The following CHM variants were observed in gnomAD, a reference collection of about 807,000 sequenced individuals.
CHM encodes rab proteins geranylgeranyltransferase component A 1.
A neutral mutation model predicts 49.0 loss-of-function variants in CHM; 10 were observed. The ratio of observed to expected loss-of-function variants is 0.20; its 90% CI spans 0.13 to 0.35. The LOEUF (loss-of-function observed/expected upper bound fraction) is 0.35, where lower values mean the gene tolerates loss of function less well. CHM is among the 10% of genes least tolerant of loss of function. CHM has a pLI of 1.00. For missense variants in CHM, 455 were observed against 478.4 expected, an observed-to-expected ratio of 0.95 and a Z score of 0.46; for synonymous variants, 184 against 167.5, an observed-to-expected ratio of 1.10 and a Z score of -0.76.
At chrX:86,043,785 T>C (rs769462724) in intron 1 of CHM, among the ~76,000 whole-genome samples, 1 of 109,018 alleles carries the variant, frequency 9.2e-6, no homozygotes, top group African/African-American at 3.4e-5. Context: ...TAGAGTGCAG[T>C]GGTGCCATCT....
At chrX:85,893,540 A>C (rs370678555) in intron 12 of CHM, among the ~76,000 whole-genome samples, 23 of 111,999 alleles carry the variant, frequency 2.1e-4, no homozygotes, top group African/African-American at 7.4e-4. Flanking sequence ...ATTACCTCTT[A>C]ATACCTCAAG....
rs1037894676 is a variant in CHM at position 86,027,317 on chromosome X, A to G, written c.116+174T>C. ...CAAAATAGTAAAACTTGTATGCTAT[A>G]TATTTCACATATTAGTGGTTAAAAT... On this transcript the variant is annotated intron_variant, in intron 2 of 14. Coordinates refer to ENST00000357749, the MANE Select transcript of CHM (RefSeq NM_000390.4). The G allele has an allele frequency of 1.1e-5, 5 of 451,303 alleles. No homozygotes were observed. The East Asian group carries it at 1.2e-4, about 10-fold the overall frequency. The allele number at this position is 451,303 out of a possible 1,213,427, so 37.2% of individuals were successfully genotyped here.
At chrX:85,959,946 ACCATT>A (rs1930208877) in intron 5 of CHM, among the ~76,000 whole-genome samples, 1 of 111,789 alleles carries the variant, frequency 8.9e-6, no homozygotes, top group South Asian at 3.7e-4. Flanking sequence ...GTAAATCAAT[ACCATT>A]CAAGTAAAAT....
At chrX:85,916,751 C>G (rs765966201) in intron 8 of CHM, among the ~76,000 whole-genome samples, 1 of 112,402 alleles carries the variant, frequency 8.9e-6, no homozygotes. Flanking sequence ...GAGATACCAT[C>G]TAGCACCAGT....
rs759366273 is a variant in CHM at position 85,987,618 on chromosome X, T to C, written c.117-5809A>G. Among the ~76,000 whole-genome samples the C allele has an allele frequency of 1.2e-4, 13 of 111,814 alleles. No homozygotes were observed. In the South Asian group the frequency reaches 4.9e-3, roughly 42 times the overall value. ...TTAATAAGATAGATAGGATGTTAGC[T>C]AGACTTAAAGAAGAGAAGAAAGAAG... is the stretch of plus-strand genomic sequence containing the variant. On this transcript the variant is annotated intron_variant, in intron 2 of 14. Coordinates refer to ENST00000357749, the MANE Select transcript of CHM (RefSeq NM_000390.4).
intron 11 of CHM, among the ~76,000 whole-genome samples, chrX:85,897,206 A>G (rs1328710612): frequency 1.0e-5 from 1 of 99,015 alleles, no homozygotes; most frequent in Non-Finnish European, 2.0e-5. Flanking sequence ...TAAAGTATAT[A>G]TATACCAGCA....
intron 1 of CHM, among the ~76,000 whole-genome samples, chrX:86,041,756 A>C (rs1435704412): frequency 2.1e-5 from 2 of 95,877 alleles, no homozygotes; most frequent in Non-Finnish European, 4.1e-5. Flanking sequence ...ATATATATAT[A>C]TACATATATA....
At chrX:85,992,367 A>G (rs894136998) in intron 2 of CHM, among the ~76,000 whole-genome samples, 2 of 111,866 alleles carry the variant, frequency 1.8e-5, no homozygotes, top group African/African-American at 6.5e-5. Context: ...TATGATAAGA[A>G]TAGGAAAATA....
intron 8 of CHM, among the ~76,000 whole-genome samples, chrX:85,946,914 CCTTGG>C (rs1297540659): frequency 1.8e-5 from 2 of 112,628 alleles, no homozygotes; most frequent in Admixed American, 1.9e-4. Context: ...CTGCCCAAGG[CCTTGG>C]GAGCCCACTC....
At chrX:85,981,668 T>C in intron 3 of CHM, 69 bp downstream of exon 3, 1 of 753,372 alleles carries the variant, frequency 1.3e-6, no homozygotes, top group East Asian at 3.4e-5. Flanking sequence ...TAGGGTTTTC[T>C]TCAGTGCAGG....
rs1300425736 is a variant in CHM, at chrX:86,020,678, CGATATATACATCT to C, written c.116+6800_116+6812del. 1.2e-4 allele frequency among the ~76,000 whole-genome samples: 12 copies of C among 103,684 alleles called. No homozygotes were observed. In the East Asian group the frequency reaches 1.5e-3, roughly 13 times the overall value. The allele number at this position is 103,684 out of a possible 115,157, so 90.0% of individuals were successfully genotyped here. On this transcript the variant is annotated intron_variant, in intron 2 of 14. Coordinates refer to ENST00000357749, the MANE Select transcript of CHM (RefSeq NM_000390.4). ...ATGAAATACATATGATATATATCTC[CGATATATACATCT>C]GATATATACATCTGATATATATCTC...
intron 11 of CHM, among the ~76,000 whole-genome samples, chrX:85,897,255 T>C (rs913004118): frequency 4.6e-4 from 46 of 100,429 alleles, no homozygotes; most frequent in Non-Finnish European, 7.9e-4. Context: ...AAATAGAAAG[T>C]AGTATATATA....
Position 85,890,283 on chromosome X carries a change from GA to G in CHM, c.1510+3904del, listed in dbSNP as rs768926351. Among the ~76,000 whole-genome samples, 471 of 112,199 alleles carry G rather than the reference GA, an allele frequency of 4.2e-3. 4 individuals are homozygous for G. Among genetic ancestry groups the G allele is most frequent in the African/African-American group, 0.014 (447 of 30,900 alleles). ...AGGTGCAGTTTTATTTTATATCTAA[GA>G]AGCTAACACAGATAAAAAGACATGA... is the stretch of plus-strand genomic sequence containing the variant. On this transcript the variant is annotated intron_variant, in intron 12 of 14. Coordinates refer to ENST00000357749, the MANE Select transcript of CHM (RefSeq NM_000390.4).
At chrX:85,917,504 G>A (rs1027314947) in intron 8 of CHM, among the ~76,000 whole-genome samples, 3 of 111,287 alleles carry the variant, frequency 2.7e-5, no homozygotes, top group Admixed American at 9.6e-5. Flanking sequence ...ACCCTAAAAG[G>A]CAGAGTGTCT....
rs141801888 is a variant in CHM at position 86,045,442 on chromosome X, T to C, written c.49+2042A>G. Reference sequence around the variant, plus strand: ...AATTACATATCATAAATTTAAGCAATGTGCTTGATAAAACCTAGAATGTGT... The same window carrying C: ...AATTACATATCATAAATTTAAGCAACGTGCTTGATAAAACCTAGAATGTGT... On this transcript the variant is annotated intron_variant, in intron 1 of 14. Transcript: ENST00000357749. Among the ~76,000 whole-genome samples the C allele has an allele frequency of 3.6e-3, 405 of 112,357 alleles. 2 individuals carry two copies. Among genetic ancestry groups the C allele is most frequent in the African/African-American group, 0.013 (390 of 30,968 alleles).
chrX:85,963,777 C>G lies in CHM; in HGVS notation c.590G>C (p.Ser197Thr). ...ATCTTCTGCTATAGGCACATTTTCA[C>G]TCATGTCTTCTGCTGAAGTTGATGG... ...CVPSTSAEDM[S>T]ENVPIAEDTT... The change falls in exon 5 of 15, where the codon AGT (serine) becomes ACT (threonine). Residue 197 changes from serine (S) to threonine (T), a missense_variant. Coordinates refer to ENST00000357749, the MANE Select transcript of CHM (RefSeq NM_000390.4). The G allele has an allele frequency of 8.3e-7, 1 of 1,211,682 alleles. No individual in the cohort carries two copies. Among genetic ancestry groups the G allele is most frequent in the Non-Finnish European group, 1.1e-6 (1 of 895,424 alleles).
intron 11 of CHM, among the ~76,000 whole-genome samples, chrX:85,896,786 G>A (rs992335792): frequency 9.7e-6 from 1 of 103,210 alleles, no homozygotes; most frequent in Non-Finnish European, 2.0e-5. Context: ...CCAAAGGGCA[G>A]TTTCATGGAA....
Position 85,958,671 on chromosome X carries a change from A to C in CHM, c.819+190T>G, listed in dbSNP as rs72633127. Among the ~76,000 whole-genome samples the C allele has an allele frequency of 3.4e-4, 38 of 111,958 alleles. No individual in the cohort carries two copies. In the East Asian group the frequency reaches 0.01, roughly 30 times the overall value. On this transcript the variant is annotated intron_variant, in intron 6 of 14. Coordinates refer to ENST00000357749, the MANE Select transcript of CHM (RefSeq NM_000390.4). ...TGTGTGCTGCTTGGTACCAACACCA[A>C]GCTGCAGAGTAAGCCATGAGAAAAT...
intron 5 of CHM, among the ~76,000 whole-genome samples, chrX:85,961,620 A>T (rs1188588895): frequency 1.8e-5 from 2 of 109,319 alleles, no homozygotes; most frequent in Non-Finnish European, 3.8e-5. Flanking sequence ...ATGACTTAAC[A>T]TTTTAAAAAC....
Sources: gnomAD v4.1 joint callset for allele counts (sites outside exome capture counted in the v4.1 genomes callset) on GRCh38, gnomAD v4.1.1 for gene constraint, MANE v1.5 for transcripts, NCBI Gene and HGNC (gene_info 2026-07-23, HGNC 2026-07-21) for gene names.